The following FHDC1 variants were observed in gnomAD, a reference collection of about 807,000 sequenced individuals.
FHDC1 encodes the protein FH2 domain-containing protein 1.
In FHDC1, 25 loss-of-function variants were observed where a neutral mutation model predicts 52.6. That is an observed-to-expected ratio of 0.48 (90% confidence interval 0.35 to 0.66). FHDC1 has a LOEUF of 0.66. Among genes scored for constraint, FHDC1 ranks in the 30% least tolerant of loss-of-function variants. The pLI, the probability that FHDC1 is intolerant of heterozygous loss-of-function variation, is 0.01. For missense variants in FHDC1, 1,459 were observed against 1,452.8 expected (o/e 1.00, Z -0.07); for synonymous variants, 616 against 581.5 (o/e 1.06, Z -0.85).
upstream of FHDC1, among the ~76,000 whole-genome samples, chr4:152,932,746 C>G (rs1739273716): frequency 6.6e-6 from 1 of 152,208 alleles, no homozygotes; most frequent in South Asian, 2.1e-4. Flanking sequence ...TGAAGTAGCT[C>G]ATGAATTAGA....
Position 152,975,108 on chromosome 4 carries a change from G to A in FHDC1, c.1817G>A (p.Gly606Glu). ...TTTGCACACAAACCTCAGGCCTCGG[G>A]GGGCCAGGAGGAGGCCCCCAACCCA... ...SSFAHKPQASGGQEEAPNPPS... is the reference protein window; with the variant it reads ...SSFAHKPQASEGQEEAPNPPS... The change falls in exon 12 of 12, where the codon GGG becomes GAG. Residue 606 changes from glycine to glutamate, a missense_variant. Transcript: ENST00000511601. 2 of 1,612,664 alleles carry A rather than the reference G, an allele frequency of 1.2e-6. No individual in the cohort carries two copies. Among genetic ancestry groups the A allele is most frequent in the Middle Eastern group, 1.6e-4 (1 of 6,062 alleles).
At chr4:152,925,010 TAAA>T in the FHDC1 span, among the ~76,000 whole-genome samples, 1 of 149,936 alleles carries the variant, frequency 6.7e-6, no homozygotes, top group East Asian at 2.0e-4. Context: ...TAAAGTATAA[TAAA>T]AAAAAAGAAG....
upstream of FHDC1, among the ~76,000 whole-genome samples, chr4:152,936,001 T>G (rs150951767): frequency 2.0e-3 from 303 of 151,776 alleles, no homozygotes; most frequent in Non-Finnish European, 3.6e-3. Context: ...CTGGCTCTTC[T>G]GGGCAGCCCA....
chr4:152,931,956 A>C (rs1018853212), upstream of FHDC1, among the ~76,000 whole-genome samples: 107 of 125,034 alleles, frequency 8.6e-4, no homozygotes, highest in African/African-American at 2.6e-3. Flanking sequence ...AAAAAAAAAA[A>C]AAAAAAAACT....
chr4:152,964,201 T>A (rs1579098099), intron 8 of FHDC1, among the ~76,000 whole-genome samples: 1 of 152,354 alleles, frequency 6.6e-6, no homozygotes, highest in Middle Eastern at 3.4e-3. Flanking sequence ...GTTTGGCCTA[T>A]GGTGAGCTCT....
In FHDC1 at chr4:152,977,815, T is replaced by A. The variant is rs1740947109; in HGVS notation, c.*1092T>A. 1 of 152,200 alleles carries A rather than the reference T, an allele frequency of 6.6e-6. No individual in the cohort carries two copies. The highest frequency in any genetic ancestry group is 2.4e-5 in the African/African-American group (1 of 41,452). The allele number at this position is 152,200 out of a possible 1,614,324, so 9.4% of individuals were successfully genotyped here. The stretch of plus-strand genomic sequence containing the variant: ...TGTTCTCTGGCTTCAGAGTTTCACC[T>A]GCCCACACAGGGTCCGTTGCTGGCA... On this transcript the variant is annotated 3_prime_UTR_variant, in exon 12 of 12. Coordinates refer to ENST00000511601, the MANE Select transcript of FHDC1 (RefSeq NM_001371116.1).
In FHDC1 at chr4:152,976,551, G is replaced by C. The variant is rs1450049560; in HGVS notation, c.3260G>C (p.Arg1087Thr). ...GCTCCCAAGGACAGCAGCACTTTGAGGCGAGCCAGCAGTGCCCGGGCCCCC... is the reference window on the plus strand; with the variant it reads ...GCTCCCAAGGACAGCAGCACTTTGACGCGAGCCAGCAGTGCCCGGGCCCCC... ...DAAPKDSSTL[R>T]RASSARAPKK... Residue 1087 changes from arginine to threonine, a missense_variant, in exon 12 of 12, where the codon AGG becomes ACG. Arg to Thr is a moderately conservative substitution (Grantham distance 71). Coordinates refer to ENST00000511601, the MANE Select transcript of FHDC1 (RefSeq NM_001371116.1). The C allele has an allele frequency of 1.2e-6, 2 of 1,612,858 alleles. No individual in the cohort carries two copies. Among genetic ancestry groups the C allele is most frequent in the Non-Finnish European group, 1.7e-6 (2 of 1,179,800 alleles).
chr4:152,914,024 A>G, the FHDC1 span, among the ~76,000 whole-genome samples: 1 of 152,146 alleles, frequency 6.6e-6, no homozygotes, highest in East Asian at 1.9e-4. Context: ...ATTTTCAAAA[A>G]TCTAATTCCC....
rs1351617697 is a variant in FHDC1, at chr4:152,974,985, C to T, written c.1694C>T (p.Pro565Leu). ...AGCTCCACCGGCAGCCCTGAGGAGC[C>T]CAATAAGTTCCACAGCCTGCCCCGG... The part of the protein sequence containing the change: ...LESSTGSPEE[P>L]NKFHSLPRSS... The change falls in exon 12 of 12, where the codon CCC becomes CTC. Residue 565 changes from proline (P) to leucine (L), a missense_variant. By Grantham distance (98) the Pro-to-Leu change is moderately conservative. Coordinates refer to ENST00000511601, the MANE Select transcript of FHDC1 (RefSeq NM_001371116.1). The T allele has an allele frequency of 1.9e-6, 3 of 1,612,410 alleles. No individual in the cohort carries two copies. The highest frequency in any genetic ancestry group is 1.7e-5 in the Admixed American group (1 of 59,998).
chr4:152,943,823 A>G (rs1739650035), intron 2 of FHDC1, among the ~76,000 whole-genome samples: 1 of 152,140 alleles, frequency 6.6e-6, no homozygotes, highest in African/African-American at 2.4e-5. Context: ...CACTGCCCCT[A>G]TCTCTAGCAC....
chr4:152,925,737 A>T, the FHDC1 span, among the ~76,000 whole-genome samples: 11 of 150,664 alleles, frequency 7.3e-5, no homozygotes, highest in South Asian at 1.3e-3. Flanking sequence ...TAACAAAGAC[A>T]TTTCCCTAAG....
At chr4:152,964,843 A>T in intron 8 of FHDC1, 62 bp from the exon 9 acceptor site, 1 of 1,410,044 alleles carries the variant, frequency 7.1e-7, no homozygotes, top group African/African-American at 1.4e-5. Context: ...TTTAAGCCCT[A>T]AGAAAATTAT....
the FHDC1 span, among the ~76,000 whole-genome samples, chr4:152,912,897 T>G: frequency 1.3e-5 from 2 of 152,232 alleles, no homozygotes; most frequent in Admixed American, 1.3e-4. Flanking sequence ...AATCTAGGCT[T>G]TAAGAAGCAT....
the FHDC1 span, among the ~76,000 whole-genome samples, chr4:152,915,549 ATAACT>A: frequency 6.6e-6 from 1 of 152,262 alleles, no homozygotes; most frequent in African/African-American, 2.4e-5. Flanking sequence ...CAGTACACTT[ATAACT>A]TACTCTAAAT....
chr4:152,951,602 AAC>A (rs77405745), intron 2 of FHDC1, among the ~76,000 whole-genome samples: 3,990 of 152,326 alleles, frequency 0.026, 90 homozygotes, highest in South Asian at 0.09. Context: ...AACGTTGGTT[AAC>A]AGTCTCGCTG....
chr4:152,938,421 G>T (rs888218993), intron 1 of FHDC1, among the ~76,000 whole-genome samples: 2 of 152,090 alleles, frequency 1.3e-5, no homozygotes, highest in African/African-American at 4.8e-5. Flanking sequence ...TCCGGCTCTG[G>T]CCCGACTGCG....
intron 6 of FHDC1, among the ~76,000 whole-genome samples, chr4:152,962,138 T>C (rs925352804): frequency 2.4e-4 from 36 of 152,206 alleles, no homozygotes; most frequent in African/African-American, 8.7e-4. Flanking sequence ...ATTTTAAATT[T>C]TGTTTCTTTG....
chr4:152,926,711 G>C, the FHDC1 span, among the ~76,000 whole-genome samples: 8 of 140,320 alleles, frequency 5.7e-5, no homozygotes, highest in Non-Finnish European at 1.2e-4. Flanking sequence ...TTTCAATTAT[G>C]GGAATTTAGC....
At chr4:152,925,532 T>G in the FHDC1 span, among the ~76,000 whole-genome samples, 1 of 152,088 alleles carries the variant, frequency 6.6e-6, no homozygotes, top group East Asian at 1.9e-4. Flanking sequence ...TAAAAACAAA[T>G]GCCAAATCAA....
Sources: gnomAD v4.1 joint callset for allele counts (sites outside exome capture counted in the v4.1 genomes callset) on GRCh38, gnomAD v4.1.1 for gene constraint, MANE v1.5 for transcripts, NCBI Gene and HGNC (gene_info 2026-07-23, HGNC 2026-07-21) for gene names.